NFIA: variants seen among roughly 807,000 people sequenced by gnomAD.
NFIA encodes the protein nuclear factor 1 A-type.
NFIA carries 8 observed loss-of-function variants against 62.8 expected under a neutral mutation model. That is an observed-to-expected ratio of 0.13 (90% CI 0.07 to 0.23). The LOEUF is 0.23. Ranked by LOEUF, NFIA falls within the 10% of genes least tolerant of loss-of-function variation. The probability of loss-of-function intolerance (pLI) is 1.00; values close to 1 mark genes in which losing one functional copy is unlikely to be tolerated. For missense variants in NFIA, 410 were observed against 642.1 expected (o/e 0.64, Z 3.91); for synonymous variants, 235 against 238.1 (o/e 0.99, Z 0.12).
chr1:61,387,015 A>G (rs748610773), intron 7 of NFIA, among the ~76,000 whole-genome samples: 1 of 152,060 alleles, frequency 6.6e-6, no homozygotes, highest in Non-Finnish European at 1.5e-5. Context: ...CACTAATCCT[A>G]TTCATGAGGG....
At chr1:61,187,194 C>T (rs1202260512) in intron 2 of NFIA, among the ~76,000 whole-genome samples, 1 of 152,090 alleles carries the variant, frequency 6.6e-6, no homozygotes, top group East Asian at 1.9e-4. Flanking sequence ...AAATGTTCCC[C>T]GTAACTACTA....
chr1:61,396,412 A>C (rs114837126), intron 7 of NFIA, among the ~76,000 whole-genome samples: 2,382 of 152,118 alleles, frequency 0.016, 24 homozygotes, highest in Non-Finnish European at 0.023. Context: ...ACCTGGCTAC[A>C]TTTTTAAAAT....
At chr1:61,120,934 C>T (rs1646877112) in intron 2 of NFIA, among the ~76,000 whole-genome samples, 1 of 152,094 alleles carries the variant, frequency 6.6e-6, no homozygotes, top group Admixed American at 6.6e-5. Context: ...CTAATTAGTG[C>T]CTTGTAATAT....
intron 2 of NFIA, among the ~76,000 whole-genome samples, chr1:61,109,703 A>C (rs1294688485): frequency 6.6e-6 from 1 of 152,002 alleles, no homozygotes; most frequent in Non-Finnish European, 1.5e-5. Context: ...TGAGATTAAC[A>C]GAACATTTTC....
chr1:61,410,437 T>C (rs1000867879), intron 9 of NFIA, among the ~76,000 whole-genome samples: 6 of 152,164 alleles, frequency 3.9e-5, no homozygotes, highest in Non-Finnish European at 7.3e-5. Context: ...TTATGAGAGC[T>C]CAACTTTAGC....
chr1:61,352,955 G>T (rs933248677), intron 5 of NFIA, among the ~76,000 whole-genome samples: 3 of 152,056 alleles, frequency 2.0e-5, no homozygotes, highest in African/African-American at 7.2e-5. Context: ...ATGAGCAAAG[G>T]CTTGGAGGAA....
At chr1:61,294,645 A>G (rs1383783830) in intron 3 of NFIA, among the ~76,000 whole-genome samples, 1 of 152,270 alleles carries the variant, frequency 6.6e-6, no homozygotes, top group Non-Finnish European at 1.5e-5. Context: ...ACTCCATGAA[A>G]GCAAGGATTG....
At position 61,406,543 on chromosome 1, in the gene NFIA, G is replaced by GGGCCCCCCCCC; in HGVS notation, c.1255-19_1255-18insGGCCCCCCCCC. ...TCTTTTTCTTGTACGTGTGTTTTCTGCCCCCCCCCCCCCCACAGCCCAATG... is the reference window on the plus strand; with the variant it reads ...TCTTTTTCTTGTACGTGTGTTTTCTGGGCCCCCCCCCCCCCCCCCCCCCCCACAGCCCAATG... On this transcript the variant is annotated intron_variant, in intron 8 of 10. Coordinates refer to ENST00000403491, the MANE Select transcript of NFIA (RefSeq NM_001134673.4). 1 of 876,650 alleles carries GGGCCCCCCCCC rather than the reference G, an allele frequency of 1.1e-6. No homozygotes were observed. The highest frequency in any genetic ancestry group is 1.5e-6 in the Non-Finnish European group (1 of 653,740). 54.3% of individuals were successfully genotyped at this position (876,650 alleles called of 1,614,324 possible).
chr1:61,343,083 C>T (rs1662016230), intron 4 of NFIA, among the ~76,000 whole-genome samples: 2 of 152,156 alleles, frequency 1.3e-5, no homozygotes, highest in African/African-American at 2.4e-5. Flanking sequence ...ACTCAGTAAA[C>T]ATTTGGTGCA....
chr1:61,279,818 A>G (rs903391270), intron 3 of NFIA, among the ~76,000 whole-genome samples: 2 of 152,138 alleles, frequency 1.3e-5, no homozygotes, highest in Non-Finnish European at 2.9e-5. Flanking sequence ...TGTGTTTCCC[A>G]TTCCAGAAAG....
At chr1:61,098,266 A>G (rs910753233) in intron 2 of NFIA, among the ~76,000 whole-genome samples, 5 of 152,232 alleles carry the variant, frequency 3.3e-5, no homozygotes, top group African/African-American at 1.2e-4. Context: ...TATTTTCAAC[A>G]TTAGATAATT....
chr1:61,103,191 A>G (rs1315147834), intron 2 of NFIA, among the ~76,000 whole-genome samples: 2 of 152,240 alleles, frequency 1.3e-5, no homozygotes, highest in African/African-American at 4.8e-5. Context: ...ATGTTGGTAC[A>G]TGGAACATAT....
intron 7 of NFIA, among the ~76,000 whole-genome samples, chr1:61,389,850 T>C (rs978314047): frequency 3.3e-5 from 5 of 152,188 alleles, no homozygotes; most frequent in Admixed American, 3.3e-4. Context: ...TGCACGCCAC[T>C]TTAGAGACAG....
intron 2 of NFIA, among the ~76,000 whole-genome samples, chr1:61,212,996 C>G (rs911507667): frequency 6.6e-6 from 1 of 152,218 alleles, no homozygotes; most frequent in African/African-American, 2.4e-5. Flanking sequence ...CACCATTGCT[C>G]CTCTTGACTG....
At chr1:61,111,939 G>A (rs1012443343) in intron 2 of NFIA, among the ~76,000 whole-genome samples, 6 of 152,132 alleles carry the variant, frequency 3.9e-5, no homozygotes, top group African/African-American at 1.4e-4. Flanking sequence ...TCAGAAGTGA[G>A]TTAGTACAGC....
chr1:61,257,014 T>C (rs1287162711), intron 2 of NFIA, among the ~76,000 whole-genome samples: 1 of 152,146 alleles, frequency 6.6e-6, no homozygotes, highest in East Asian at 1.9e-4. Flanking sequence ...ACCAGTTGGG[T>C]TTTTTGTTTT....
intron 2 of NFIA, among the ~76,000 whole-genome samples, chr1:61,163,436 G>C (rs1044350308): frequency 6.6e-6 from 1 of 151,648 alleles, no homozygotes; most frequent in Non-Finnish European, 1.5e-5. Context: ...TACCTAATTG[G>C]TTTTTTTTGT....
chr1:61,197,283 G>GGCTGGTGT (rs1439582787), intron 2 of NFIA, among the ~76,000 whole-genome samples: 1 of 134,590 alleles, frequency 7.4e-6, no homozygotes, highest in African/African-American at 2.9e-5. Flanking sequence ...GTGTCACGCA[G>GGCTGGTGT]GCTGGTGTGC....
chr1:61,202,254 AG>A (rs1184154183), intron 2 of NFIA, among the ~76,000 whole-genome samples: 1 of 152,210 alleles, frequency 6.6e-6, no homozygotes, highest in Admixed American at 6.5e-5. Flanking sequence ...ACTAGGAAAA[AG>A]GCAGGAAAAC....
Sources: allele counts gnomAD v4.1 joint callset (sites outside exome capture counted in the v4.1 genomes callset), GRCh38; gene constraint gnomAD v4.1.1; transcripts MANE v1.5; gene names NCBI Gene and HGNC (gene_info 2026-07-23, HGNC 2026-07-21).